HDX: variants seen among roughly 807,000 people sequenced by gnomAD.
HDX encodes chromosome X open reading frame 43.
Under a neutral mutation model 45.2 loss-of-function variants are expected in HDX, and 19 were observed. The ratio of observed to expected loss-of-function variants is 0.42; its 90% CI spans 0.29 to 0.62. The LOEUF (loss-of-function observed/expected upper bound fraction) is 0.62. HDX is among the 20% of genes least tolerant of loss of function. The pLI, the probability that HDX is intolerant of heterozygous loss-of-function variation, is 0.20. For synonymous variants in HDX, 188 were observed against 172.8 expected, an observed-to-expected ratio of 1.09 and a Z score of -0.69; for missense variants, 532 against 493.9, an observed-to-expected ratio of 1.08 and a Z score of -0.73.
At chrX:84,389,834 T>G (rs1219682654) in intron 5 of HDX, among the ~76,000 whole-genome samples, 1 of 110,399 alleles carries the variant, frequency 9.1e-6, no homozygotes, top group African/African-American at 3.3e-5. Context: ...ATATCTCTAC[T>G]TGTTCCATGG....
intron 5 of HDX, among the ~76,000 whole-genome samples, chrX:84,403,416 T>C (rs192565724): frequency 9.0e-6 from 1 of 111,660 alleles, no homozygotes; most frequent in Non-Finnish European, 1.9e-5. Context: ...AGCTATCTTA[T>C]CACAAAAAGT....
chrX:84,400,999 T>C (rs1431558602), intron 5 of HDX, among the ~76,000 whole-genome samples: 2 of 112,087 alleles, frequency 1.8e-5, no homozygotes, highest in African/African-American at 6.5e-5. Context: ...TGGCCAGCCA[T>C]ATGCAGAAAA....
intron 5 of HDX, among the ~76,000 whole-genome samples, chrX:84,421,251 T>C (rs960245637): frequency 1.8e-5 from 2 of 111,710 alleles, no homozygotes; most frequent in Non-Finnish European, 3.8e-5. Flanking sequence ...AAGATATAAA[T>C]AAAAAGAAAA....
chrX:84,368,989 C>T (rs1335420023), intron 5 of HDX, among the ~76,000 whole-genome samples: 1 of 110,702 alleles, frequency 9.0e-6, no homozygotes, highest in Non-Finnish European at 1.9e-5. Flanking sequence ...GGCATTAATG[C>T]TCATTTGCCT....
At chrX:84,382,917 T>G (rs1203752482) in intron 5 of HDX, among the ~76,000 whole-genome samples, 1 of 111,371 alleles carries the variant, frequency 9.0e-6, no homozygotes, top group African/African-American at 3.3e-5. Flanking sequence ...CTCCATGATG[T>G]GCTTATTTCA....
intron 5 of HDX, among the ~76,000 whole-genome samples, chrX:84,420,719 T>G (rs1184284754): frequency 3.6e-5 from 4 of 110,999 alleles, no homozygotes; most frequent in Non-Finnish European, 7.6e-5. Context: ...AGATCAATGA[T>G]AAAGAAAGGA....
chrX:84,501,767 G>A (rs1376880812), intron 1 of HDX, among the ~76,000 whole-genome samples: 2 of 111,208 alleles, frequency 1.8e-5, no homozygotes, highest in African/African-American at 6.5e-5. Context: ...ACAAGGCCTG[G>A]GATGTTCCCT....
chrX:84,417,218 GAGAAAGAAAGAA>G (rs1556012085), intron 5 of HDX, among the ~76,000 whole-genome samples: 3 of 100,251 alleles, frequency 3.0e-5, no homozygotes, highest in Non-Finnish European at 4.0e-5. Flanking sequence ...AAAAAAAAGA[GAGAAAGAAAGAA>G]AGAAAGAAAG....
rs1018219100 is a variant in HDX, at chrX:84,456,424, A to C, written c.1251+12048T>G. On this transcript the variant is annotated intron_variant, in intron 4 of 10. Transcript: ENST00000373177. Reference sequence around the variant, plus strand: ...AATAGAAATGAAAACATAGCACCAGAGAAAATTTCCTTCAATAAAAGGAAG... The same window carrying C: ...AATAGAAATGAAAACATAGCACCAGCGAAAATTTCCTTCAATAAAAGGAAG... Among the ~76,000 whole-genome samples the C allele has an allele frequency of 8.1e-5, 9 of 111,408 alleles. No individual in the cohort carries two copies. The East Asian group carries it at 2.3e-3, about 28-fold the overall frequency.
At chrX:84,441,654 T>A (rs781335709) in intron 4 of HDX, among the ~76,000 whole-genome samples, 2 of 111,822 alleles carry the variant, frequency 1.8e-5, no homozygotes, top group Admixed American at 1.9e-4. Context: ...CTTTTTGAAT[T>A]ATGTCCCAGT....
intron 5 of HDX, among the ~76,000 whole-genome samples, chrX:84,409,047 C>A (rs1311767868): frequency 2.7e-5 from 3 of 110,638 alleles, no homozygotes; most frequent in African/African-American, 9.8e-5. Context: ...ACAACCCCAT[C>A]AAAAAGTGAG....
At chrX:84,359,295 C>T (rs1397285031) in intron 6 of HDX, among the ~76,000 whole-genome samples, 1 of 110,440 alleles carries the variant, frequency 9.1e-6, no homozygotes, top group Non-Finnish European at 1.9e-5. Context: ...AACCCATGAA[C>T]TAGATATTAA....
At chrX:84,392,938 C>T (rs1300449759) in intron 5 of HDX, among the ~76,000 whole-genome samples, 3 of 107,680 alleles carry the variant, frequency 2.8e-5, no homozygotes, top group Non-Finnish European at 5.8e-5. Flanking sequence ...AATCTGTAAA[C>T]AGGGATAGTT....
At position 84,476,815 on chromosome X, in the gene HDX, G is replaced by A. The variant is rs1463360929; in HGVS notation, c.1-1418C>T. ...ATCTGTACACCTGACTTTCTTGTCC[G>A]CACAAGCATCTATCTCATCTATCTC... On this transcript the variant is annotated intron_variant, in intron 2 of 10. Coordinates refer to ENST00000373177, the MANE Select transcript of HDX (RefSeq NM_001177479.2). Among the ~76,000 whole-genome samples the A allele has an allele frequency of 2.7e-5, 3 of 111,454 alleles. No homozygotes were observed. In the East Asian group the frequency reaches 8.4e-4, roughly 31 times the overall value.
intron 1 of HDX, among the ~76,000 whole-genome samples, chrX:84,490,818 C>T (rs1365202801): frequency 9.1e-6 from 1 of 110,493 alleles, no homozygotes; most frequent in African/African-American, 3.3e-5. Flanking sequence ...ATATAAAATT[C>T]TAAGTTAACT....
intron 5 of HDX, among the ~76,000 whole-genome samples, chrX:84,418,170 CA>C (rs2039159306): frequency 9.0e-6 from 1 of 111,286 alleles, no homozygotes; most frequent in Non-Finnish European, 1.9e-5. Context: ...GCACATACTC[CA>C]ATGAAAAGAT....
At chrX:84,435,632 T>C (rs946026946) in intron 5 of HDX, among the ~76,000 whole-genome samples, 6 of 105,485 alleles carry the variant, frequency 5.7e-5, no homozygotes, top group Admixed American at 3.1e-4. Flanking sequence ...ATGAAGTCCT[T>C]GCCCACGCCT....
chrX:84,331,584 G>A (rs147749493), intron 9 of HDX, among the ~76,000 whole-genome samples: 1 of 110,825 alleles, frequency 9.0e-6, no homozygotes, highest in Non-Finnish European at 1.9e-5. Context: ...AGGAGGTTTA[G>A]GATGAATATA....
intron 1 of HDX, among the ~76,000 whole-genome samples, chrX:84,497,948 G>T (rs1177907741): frequency 9.0e-6 from 1 of 111,087 alleles, no homozygotes; most frequent in Non-Finnish European, 1.9e-5. Context: ...GTGCTTAGGG[G>T]AGTATATAAG....
Sources: allele counts gnomAD v4.1 joint callset (sites outside exome capture counted in the v4.1 genomes callset), GRCh38; gene constraint gnomAD v4.1.1; transcripts MANE v1.5; gene names NCBI Gene and HGNC (gene_info 2026-07-23, HGNC 2026-07-21).